Variants in SCN9A observed in about 807,000 individuals in gnomAD.
SCN9A encodes sodium voltage-gated channel alpha subunit 9.
In SCN9A, 131 loss-of-function variants were observed where a neutral mutation model predicts 187.0. The ratio of observed to expected loss-of-function variants is 0.70; its 90% CI spans 0.61 to 0.81. The LOEUF (loss-of-function observed/expected upper bound fraction) is 0.81. SCN9A is among the 30% of genes least tolerant of loss of function. The pLI is 0.00. For synonymous variants in SCN9A, 809 were observed against 808.6 expected, an observed-to-expected ratio of 1.00 and a Z score of -0.01; for missense variants, 2,252 against 2,396.6, an observed-to-expected ratio of 0.94 and a Z score of 1.26.
At chr2:166,236,333 C>T (rs1322910317) in intron 20 of SCN9A, among the ~76,000 whole-genome samples, 1 of 152,036 alleles carries the variant, frequency 6.6e-6, no homozygotes, top group Non-Finnish European at 1.5e-5. Flanking sequence ...TAATATATAG[C>T]TATGTTAAAA....
rs151219043 is a variant in SCN9A, at chr2:166,268,738, T to C, written c.3351+3661A>G. The stretch of plus-strand genomic sequence containing the variant: ...TTATCAAACAAATTTCCTCTAGATC[T>C]TGAACCTTCATTATTTCTCAATTCT... On this transcript the variant is annotated intron_variant, in intron 17 of 26. Coordinates refer to ENST00000642356, the MANE Select transcript of SCN9A (RefSeq NM_001365536.1). Among the ~76,000 whole-genome samples, 494 of 152,050 alleles carry C rather than the reference T, an allele frequency of 3.2e-3. 1 individual carries two copies. Among genetic ancestry groups the C allele is most frequent in the African/African-American group, 0.012 (483 of 41,542 alleles).
chr2:166,353,963 A>G (rs1416089736), intron 1 of SCN9A, among the ~76,000 whole-genome samples: 1 of 152,190 alleles, frequency 6.6e-6, no homozygotes, highest in East Asian at 1.9e-4. Flanking sequence ...TACTTCTCCT[A>G]ACCCAAGCAC....
chr2:166,239,590 T>G (rs1695475960), intron 19 of SCN9A, among the ~76,000 whole-genome samples: 1 of 152,154 alleles, frequency 6.6e-6, no homozygotes, highest in African/African-American at 2.4e-5. Flanking sequence ...GGTTCTGAAA[T>G]TCAATGGAAT....
At chr2:166,201,819 C>T (rs1277012581) in intron 26 of SCN9A, among the ~76,000 whole-genome samples, 1 of 151,424 alleles carries the variant, frequency 6.6e-6, no homozygotes, top group African/African-American at 2.4e-5. Context: ...ACACATTCAA[C>T]AGTATTGAGT....
intron 20 of SCN9A, 96 bp from the exon 21 acceptor site, chr2:166,233,558 G>C: frequency 2.2e-6 from 2 of 916,898 alleles, no homozygotes; most frequent in Non-Finnish European, 3.2e-6. Context: ...AACTCAACAG[G>C]AACAATAAGA....
chr2:166,262,988 G>C (rs1291860923), intron 17 of SCN9A, among the ~76,000 whole-genome samples: 1 of 152,078 alleles, frequency 6.6e-6, no homozygotes, highest in South Asian at 2.1e-4. Flanking sequence ...GCTGCCAAAA[G>C]TGTTGGATGC....
At chr2:166,200,015 T>C (rs573688691) in intron 26 of SCN9A, among the ~76,000 whole-genome samples, 151 bp from the exon 27 acceptor site, 1 of 112,240 alleles carries the variant, frequency 8.9e-6, no homozygotes, top group South Asian at 3.0e-4. Flanking sequence ...TTTTTTTTTT[T>C]GAGACGGAGT....
At chr2:166,231,200 C>T (rs1020148120) in intron 21 of SCN9A, among the ~76,000 whole-genome samples, 2 of 152,068 alleles carry the variant, frequency 1.3e-5, no homozygotes, top group Non-Finnish European at 2.9e-5. Flanking sequence ...TAGATTGTAA[C>T]ATTCTATTAA....
At chr2:166,246,642 G>A (rs1296222555) in intron 18 of SCN9A, among the ~76,000 whole-genome samples, 1 of 151,902 alleles carries the variant, frequency 6.6e-6, no homozygotes, top group Non-Finnish European at 1.5e-5. Context: ...TCACATATAA[G>A]AAAGAATTTA....
At position 166,284,545 on chromosome 2, in the gene SCN9A, C is replaced by A. The variant is rs767169255; in HGVS notation, c.1882G>T (p.Val628Phe). The change falls in exon 12 of 27, where the codon GTC becomes TTC. Residue 628 changes from valine (V) to phenylalanine (F), a missense_variant. Coordinates refer to ENST00000642356, the MANE Select transcript of SCN9A (RefSeq NM_001365536.1). ...MHSAVDCNGV[V>F]SLVDGRSALM... is the part of the protein sequence containing the mutation. Reference sequence around the variant, plus strand: ...GCTGAGCGTCCATCAACCAGGGAGACCACACCGTTGCAGTCCACAGCACTG... The same window carrying A: ...GCTGAGCGTCCATCAACCAGGGAGAACACACCGTTGCAGTCCACAGCACTG... 5 of 1,614,058 alleles carry A rather than the reference C, an allele frequency of 3.1e-6. No homozygotes were observed. The highest frequency in any genetic ancestry group is 3.4e-6 in the Non-Finnish European group (4 of 1,180,020).
chr2:166,299,750 C>G (rs1377143263), intron 7 of SCN9A, among the ~76,000 whole-genome samples: 1 of 150,882 alleles, frequency 6.6e-6, no homozygotes, highest in Non-Finnish European at 1.5e-5. Flanking sequence ...AGCAGGCCCT[C>G]TGATTTCTAT....
chr2:166,211,330 T>G (rs1694082792), intron 24 of SCN9A, among the ~76,000 whole-genome samples: 1 of 152,040 alleles, frequency 6.6e-6, no homozygotes, highest in Non-Finnish European at 1.5e-5. Flanking sequence ...ATAAAAACTT[T>G]CTCATACAAG....
At chr2:166,233,185 A>T (rs1341876578) in intron 21 of SCN9A, among the ~76,000 whole-genome samples, 155 bp downstream of exon 21, 1 of 78,862 alleles carries the variant, frequency 1.3e-5, no homozygotes, top group Non-Finnish European at 2.4e-5. Flanking sequence ...ATATACATAT[A>T]TGCATATGTA....
chr2:166,332,923 A>T (rs1699540959), intron 1 of SCN9A, among the ~76,000 whole-genome samples: 1 of 151,486 alleles, frequency 6.6e-6, no homozygotes, highest in Admixed American at 6.6e-5. Context: ...ATACTCTAAA[A>T]TATTTTAAAA....
rs1697745298 is a variant in SCN9A, at chr2:166,286,420, C to T, written c.1518G>A (p.Glu506=). 1.2e-6 allele frequency: 2 copies of T among 1,613,760 alleles called. No homozygotes were observed. The highest frequency in any genetic ancestry group is 2.2e-5 in the East Asian group (1 of 44,872). Reference sequence around the variant, plus strand: ...GGAAACTTTTTCTTCTGATGCTGTCCTCTGATTCTGATTTCGACAATTTCT... The same window carrying T: ...GGAAACTTTTTCTTCTGATGCTGTCTTCTGATTCTGATTTCGACAATTTCT... ...DAEKLSKSES[E]DSIRRKSFHL... is the part of the protein sequence containing the mutation. Residue 506 remains glutamate (E), a synonymous_variant, in exon 11 of 27, where the codon GAG becomes GAA. Transcript: ENST00000642356.
intron 24 of SCN9A, among the ~76,000 whole-genome samples, chr2:166,213,314 G>A (rs1173276057): frequency 6.6e-6 from 1 of 151,334 alleles, no homozygotes; most frequent in Non-Finnish European, 1.5e-5. Context: ...GATTTTATGG[G>A]AATAAGAAGG....
rs4284843 is a variant in SCN9A at position 166,286,086 on chromosome 2, G to A, written c.1602+250C>T. ...CTACAATGGTTCTCAGGAACATTTTGCTTCTGAAAATTAGTTTATTAGAGA... is the reference window on the plus strand; with the variant it reads ...CTACAATGGTTCTCAGGAACATTTTACTTCTGAAAATTAGTTTATTAGAGA... On this transcript the variant is annotated intron_variant, in intron 11 of 26. Transcript: ENST00000642356. Among the ~76,000 whole-genome samples the A allele has an allele frequency of 0.38, 57,439 of 151,704 alleles. 10,908 individuals carry two copies. Among genetic ancestry groups the A allele is most frequent in the Non-Finnish European group, 0.4 (27,111 of 67,814 alleles).
rs1354932910 is a variant in SCN9A, at chr2:166,311,558, G to T, written c.199C>A (p.Pro67Thr). ...AGGGGCTCTGACACCATGCCGGGAGGAATGTCCCCATAGATGAAGGGCAGC... is the reference window on the plus strand; with the variant it reads ...AGGGGCTCTGACACCATGCCGGGAGTAATGTCCCCATAGATGAAGGGCAGC... ...KQLPFIYGDI[P>T]PGMVSEPLED... The change falls in exon 2 of 27, where the codon CCT (proline) becomes ACT (threonine). Residue 67 changes from proline to threonine, a missense_variant. Around this residue, in one of 7 missense-constraint regions of SCN9A, gnomAD observed 1,013 missense variants for 997.4 expected, o/e 1.02. Coordinates refer to ENST00000642356, the MANE Select transcript of SCN9A (RefSeq NM_001365536.1). The T allele has an allele frequency of 6.2e-7, 1 of 1,612,962 alleles. No individual in the cohort carries two copies. Among genetic ancestry groups the T allele is most frequent in the South Asian group, 1.1e-5 (1 of 90,978 alleles).
chr2:166,305,971 C>A (rs1325890258), intron 4 of SCN9A, 51 bp from the exon 5 acceptor site: 1 of 1,593,268 alleles, frequency 6.3e-7, no homozygotes, highest in Non-Finnish European at 8.6e-7. Flanking sequence ...ATACAACCAC[C>A]ATGTAAATCT....
Sources: allele counts gnomAD v4.1 joint callset (sites outside exome capture counted in the v4.1 genomes callset), GRCh38; gene constraint gnomAD v4.1.1; regional missense constraint gnomAD v4.1.1; transcripts MANE v1.5; gene names NCBI Gene and HGNC (gene_info 2026-07-23, HGNC 2026-07-21).